The following CTNNA2 variants were observed in gnomAD, a reference collection of about 807,000 sequenced individuals.
CTNNA2 encodes the protein catenin alpha-2.
Under a neutral mutation model 101.0 loss-of-function variants are expected in CTNNA2, and 42 were observed. The ratio of observed to expected loss-of-function variants is 0.42; its 90% CI spans 0.32 to 0.54. CTNNA2 has a LOEUF of 0.54. CTNNA2 is among the 20% of genes least tolerant of loss of function. The pLI, the probability that CTNNA2 is intolerant of heterozygous loss-of-function variation, is 0.14. For missense variants in CTNNA2, 871 were observed against 1,223.1 expected, an observed-to-expected ratio of 0.71 and a Z score of 4.29; for synonymous variants, 450 against 456.4, an observed-to-expected ratio of 0.99 and a Z score of 0.18.
chr2:79,190,682 G>T (rs991580500), intron 1 of CTNNA2, among the ~76,000 whole-genome samples: 1 of 152,140 alleles, frequency 6.6e-6, no homozygotes, highest in African/African-American at 2.4e-5. Context: ...GTGGGAAAAT[G>T]ATGGCTTGAC....
At chr2:80,167,159 CACTT>C (rs2148955750) in intron 7 of CTNNA2, among the ~76,000 whole-genome samples, 1 of 152,180 alleles carries the variant, frequency 6.6e-6, no homozygotes, top group South Asian at 2.1e-4. Flanking sequence ...GCAAAAATCA[CACTT>C]ACTTTTGCAC....
chr2:79,695,910 T>C (rs529314903), intron 2 of CTNNA2, among the ~76,000 whole-genome samples: 1 of 152,184 alleles, frequency 6.6e-6, no homozygotes, highest in Admixed American at 6.6e-5. Context: ...ATTTCTCATT[T>C]TCTCTCTTTT....
chr2:79,406,452 T>C (rs980534816), intron 4 of CTNNA2, among the ~76,000 whole-genome samples: 1 of 152,026 alleles, frequency 6.6e-6, no homozygotes, highest in African/African-American at 2.4e-5. Context: ...GCTGAGCAGC[T>C]ATGGACCACC....
intron 1 of CTNNA2, among the ~76,000 whole-genome samples, chr2:79,196,910 T>C (rs1457935266): frequency 6.6e-6 from 1 of 152,214 alleles, no homozygotes; most frequent in Non-Finnish European, 1.5e-5. Context: ...GCATCTCTCA[T>C]GGTTCTGATT....
At chr2:79,869,740 C>T (rs1318510833) in intron 4 of CTNNA2, 76 bp from the exon 5 acceptor site, 7 of 1,540,786 alleles carry the variant, frequency 4.5e-6, no homozygotes, top group Non-Finnish European at 5.2e-6. Context: ...TTTTTGGGTG[C>T]AAATTCCATT....
In CTNNA2 at chr2:79,851,664, G is replaced by T. The variant is rs138910577; in HGVS notation, c.299-6349G>T. Among the ~76,000 whole-genome samples the T allele has an allele frequency of 3.1e-3, 463 of 150,500 alleles. 5 individuals carry two copies. Among genetic ancestry groups the T allele is most frequent in the African/African-American group, 0.011 (436 of 40,868 alleles). On this transcript the variant is annotated intron_variant, in intron 3 of 18. Transcript: ENST00000402739. Reference sequence around the variant, plus strand: ...GTTATCATGAAAAGGGAACAAACTGGTTAAGAGGATTGGAAATTTTTGCCC... The same window carrying T: ...GTTATCATGAAAAGGGAACAAACTGTTTAAGAGGATTGGAAATTTTTGCCC...
At chr2:79,368,071 T>TA (rs987874058) in intron 3 of CTNNA2, among the ~76,000 whole-genome samples, 51 of 152,268 alleles carry the variant, frequency 3.3e-4, no homozygotes, top group Middle Eastern at 3.4e-3. Context: ...TTCATTAGGA[T>TA]AGATAAAATT....
chr2:80,328,747 G>A (rs1671048624), intron 7 of CTNNA2, among the ~76,000 whole-genome samples: 1 of 152,210 alleles, frequency 6.6e-6, no homozygotes. Flanking sequence ...GATATGTTCT[G>A]AGAAATGCGT....
intron 1 of CTNNA2, among the ~76,000 whole-genome samples, chr2:79,542,497 G>A (rs1032194431): frequency 4.6e-5 from 7 of 151,990 alleles, no homozygotes; most frequent in African/African-American, 1.7e-4. Context: ...TTTTTTGTCT[G>A]TGTTGAGCTT....
In CTNNA2 at chr2:79,702,806, T is replaced by C. The variant is rs139417039; in HGVS notation, c.103-41581T>C. Among the ~76,000 whole-genome samples, 144 of 152,290 alleles carry C rather than the reference T, an allele frequency of 9.5e-4. 1 individual carries two copies. In the South Asian group the frequency reaches 9.5e-3, roughly 10 times the overall value. On this transcript the variant is annotated intron_variant, in intron 2 of 18. Coordinates refer to ENST00000402739, the MANE Select transcript of CTNNA2 (RefSeq NM_001282597.3). ...AAATTGACTAGTTTCCTGTTGAAAGTGGGACTAGGATTCACTATTATCCAT... is the reference window on the plus strand; with the variant it reads ...AAATTGACTAGTTTCCTGTTGAAAGCGGGACTAGGATTCACTATTATCCAT...
At chr2:80,342,708 C>A (rs1672352643) in intron 7 of CTNNA2, among the ~76,000 whole-genome samples, 1 of 151,890 alleles carries the variant, frequency 6.6e-6, no homozygotes, top group Admixed American at 6.6e-5. Context: ...TTTTTGTTTG[C>A]ATGTTTTTTG....
chr2:80,292,588 G>A (rs903215958), intron 7 of CTNNA2, among the ~76,000 whole-genome samples: 1 of 152,170 alleles, frequency 6.6e-6, no homozygotes, highest in Admixed American at 6.5e-5. Flanking sequence ...TATAGGTGGA[G>A]GTCATGTTTC....
chr2:80,313,635 A>T (rs1273532055), intron 7 of CTNNA2: 13 of 1,609,108 alleles, frequency 8.1e-6, no homozygotes, highest in Non-Finnish European at 1.1e-5. Context: ...TCTGAGATGC[A>T]TACCATGTCT....
intron 3 of CTNNA2, among the ~76,000 whole-genome samples, chr2:79,335,405 G>A (rs1676972389): frequency 3.3e-5 from 5 of 152,098 alleles, no homozygotes; most frequent in South Asian, 4.1e-4. Flanking sequence ...AGGTCACATC[G>A]TCATTCTCAA....
chr2:80,364,317 T>C (rs1248136611), intron 7 of CTNNA2, among the ~76,000 whole-genome samples: 7 of 152,068 alleles, frequency 4.6e-5, no homozygotes, highest in African/African-American at 1.7e-4. Context: ...TTCTTCAGAG[T>C]TCAATAGAAA....
chr2:79,583,946 A>G (rs947914400), intron 1 of CTNNA2, among the ~76,000 whole-genome samples: 1 of 152,128 alleles, frequency 6.6e-6, no homozygotes, highest in Non-Finnish European at 1.5e-5. Context: ...TTATTCCCAT[A>G]AACTGGAAAT....
Position 79,398,105 on chromosome 2 carries a change from C to A in CTNNA2, c.-135+24092C>A, listed in dbSNP as rs749587802. 7.2e-5 allele frequency among the ~76,000 whole-genome samples: 11 copies of A among 152,156 alleles called. No homozygotes were observed. In the South Asian group the frequency reaches 1.5e-3, roughly 20 times the overall value. On this transcript the variant is annotated intron_variant, in intron 4 of 21. Transcript: ENST00000466387. Reference sequence around the variant, plus strand: ...CCCAATTAATGGTAGAAAGATAATTCTCTATGATATTTTATGAAAATAAGG... The same window carrying A: ...CCCAATTAATGGTAGAAAGATAATTATCTATGATATTTTATGAAAATAAGG...
intron 7 of CTNNA2, among the ~76,000 whole-genome samples, chr2:80,078,802 C>A (rs993411035): frequency 6.6e-6 from 1 of 152,108 alleles, no homozygotes; most frequent in Non-Finnish European, 1.5e-5. Flanking sequence ...GCCCTTACCC[C>A]CTATGTTTTG....
At chr2:80,261,278 A>G (rs1246691536) in intron 7 of CTNNA2, among the ~76,000 whole-genome samples, 1 of 152,078 alleles carries the variant, frequency 6.6e-6, no homozygotes, top group African/African-American at 2.4e-5. Flanking sequence ...TTGCTGGTCA[A>G]ACACCCCTTG....
Sources: allele counts gnomAD v4.1 joint callset (sites outside exome capture counted in the v4.1 genomes callset), GRCh38; gene constraint gnomAD v4.1.1; transcripts MANE v1.5; gene names NCBI Gene and HGNC (gene_info 2026-07-23, HGNC 2026-07-21).